HPF1: variants seen among roughly 807,000 people sequenced by gnomAD.
The protein encoded by HPF1 is UPF0609 protein C4orf27.
HPF1 carries 35 observed loss-of-function variants against 38.8 expected under a neutral mutation model. The ratio of observed to expected loss-of-function variants is 0.90; its 90% CI spans 0.69 to 1.19. The LOEUF is 1.19. Ranked by LOEUF, HPF1 falls within the 50% of genes most tolerant of loss-of-function variation. HPF1 has a pLI of 0.00. For synonymous variants in HPF1, 115 were observed against 139.2 expected, an observed-to-expected ratio of 0.83 and a Z score of 1.22; for missense variants, 367 against 405.8, an observed-to-expected ratio of 0.90 and a Z score of 0.82.
chr4:169,742,100 A>G lies in HPF1; in HGVS notation c.505T>C (p.Leu169=), dbSNP rs373544496. 6.6e-5 allele frequency: 106 copies of G among 1,610,336 alleles called. No individual in the cohort carries two copies. The highest frequency in any genetic ancestry group is 8.8e-5 in the Non-Finnish European group (104 of 1,178,472). ...GTTATTTCTCTAAGTTTTTTCGTCA[A>G]AAATAATCTGAAAAAGAAGTAAAAG... ...DNVFAAVKLF[L]TKKLREITDK... The change falls in exon 5 of 8, where the codon TTG becomes CTG. Residue 169 remains leucine (L), a synonymous_variant. Transcript: ENST00000393381.
At chr4:169,733,334 G>A (rs1733853408) in intron 6 of HPF1, among the ~76,000 whole-genome samples, 1 of 152,068 alleles carries the variant, frequency 6.6e-6, no homozygotes, top group South Asian at 2.1e-4. Flanking sequence ...CAAATGAGAT[G>A]GAAGTATGAA....
At chr4:169,735,104 G>C (rs1733875443) in intron 6 of HPF1, among the ~76,000 whole-genome samples, 1 of 148,034 alleles carries the variant, frequency 6.8e-6, no homozygotes, top group Non-Finnish European at 1.5e-5. Context: ...TCCGGCCTGG[G>C]TGACAAGAGC....
At chr4:169,750,303 A>C (rs1168099160) in intron 3 of HPF1, among the ~76,000 whole-genome samples, 3 of 152,208 alleles carry the variant, frequency 2.0e-5, no homozygotes, top group African/African-American at 2.4e-5. Context: ...GCTCTTCTGA[A>C]CCCAAAAGGG....
At chr4:169,743,622 C>T (rs144575551) in intron 4 of HPF1, among the ~76,000 whole-genome samples, 11 of 151,990 alleles carry the variant, frequency 7.2e-5, no homozygotes, top group African/African-American at 2.2e-4. Flanking sequence ...GTTAATGCCA[C>T]TTATGGAAAT....
chr4:169,744,323 T>C (rs539567375), intron 4 of HPF1, among the ~76,000 whole-genome samples: 1 of 152,386 alleles, frequency 6.6e-6, no homozygotes, highest in Admixed American at 6.5e-5. Context: ...TCTGCCACTA[T>C]TGAAGGCACT....
At chr4:169,739,044 C>T (rs1261599663) in intron 5 of HPF1, among the ~76,000 whole-genome samples, 5 of 152,030 alleles carry the variant, frequency 3.3e-5, no homozygotes, top group African/African-American at 9.7e-5. Flanking sequence ...ATGTAAATGA[C>T]GAGTTAATGG....
chr4:169,747,629 T>C (rs536769657), intron 4 of HPF1, among the ~76,000 whole-genome samples: 1 of 152,354 alleles, frequency 6.6e-6, no homozygotes, highest in African/African-American at 2.4e-5. Flanking sequence ...CTGTGGCTGA[T>C]ATAGCACAGA....
chr4:169,744,383 G>A (rs1734018412), intron 4 of HPF1, among the ~76,000 whole-genome samples: 1 of 152,188 alleles, frequency 6.6e-6, no homozygotes, highest in Admixed American at 6.5e-5. Context: ...ATCTCTGTAA[G>A]TTTTTGTCTC....
intron 3 of HPF1, among the ~76,000 whole-genome samples, chr4:169,749,949 G>A (rs1734097361): frequency 6.6e-6 from 1 of 152,046 alleles, no homozygotes; most frequent in Non-Finnish European, 1.5e-5. Context: ...TCCTGGGCAC[G>A]TTCCTTCTAT....
At chr4:169,751,807 G>A (rs1049632955) in intron 2 of HPF1, among the ~76,000 whole-genome samples, 3 of 152,172 alleles carry the variant, frequency 2.0e-5, no homozygotes, top group African/African-American at 7.2e-5. Flanking sequence ...AATTTTTAAA[G>A]CATGAAGAAA....
Position 169,757,925 on chromosome 4 carries a change from G to A in HPF1, c.-48C>T. The A allele has an allele frequency of 1.3e-6, 2 of 1,524,288 alleles. No individual in the cohort carries two copies. The highest frequency in any genetic ancestry group is 1.8e-6 in the Non-Finnish European group (2 of 1,136,180). The allele number at this position is 1,524,288 out of a possible 1,614,324, so 94.4% of individuals were successfully genotyped here. A position where few individuals can be genotyped will look rare whatever the true frequency, so the allele number is the denominator to read the frequency against. ...AATTCCCCGATCCGCGGCCGCTTCC[G>A]AGCGCCGCCAACCGCTTCCGGGTTC... On this transcript the variant is annotated 5_prime_UTR_variant, in exon 1 of 8. Coordinates refer to ENST00000393381, the MANE Select transcript of HPF1 (RefSeq NM_017867.3).
At chr4:169,753,960 G>C in intron 1 of HPF1, 125 bp from the exon 2 acceptor site, 1 of 709,564 alleles carries the variant, frequency 1.4e-6, no homozygotes, top group Non-Finnish European at 2.3e-6. Context: ...CTCTCTAAAT[G>C]GTCTTTGAGT....
chr4:169,731,940 G>C lies in HPF1; in HGVS notation c.737-64C>G, dbSNP rs567310283. The C allele has an allele frequency of 1.2e-4, 165 of 1,346,720 alleles. 1 individual carries two copies. The South Asian group carries it at 2.0e-3, about 16-fold the overall frequency. The allele number at this position is 1,346,720 out of a possible 1,614,324, so 83.4% of individuals were successfully genotyped here. ...TTAGAAAATGAATCAGTCTTCAAAAGTAAGAAGATTATAAAGAGGGTTTTT... is the reference window on the plus strand; with the variant it reads ...TTAGAAAATGAATCAGTCTTCAAAACTAAGAAGATTATAAAGAGGGTTTTT... On this transcript the variant is annotated intron_variant, in intron 6 of 7. Coordinates refer to ENST00000393381, the MANE Select transcript of HPF1 (RefSeq NM_017867.3).
In HPF1 at chr4:169,734,336, C is replaced by T. The variant is rs1037568827; in HGVS notation, c.737-2460G>A. Among the ~76,000 whole-genome samples the T allele has an allele frequency of 1.4e-4, 21 of 152,126 alleles. 1 individual carries two copies. The highest frequency in any genetic ancestry group is 4.1e-4 in the South Asian group (2 of 4,830). On this transcript the variant is annotated intron_variant, in intron 6 of 7. Coordinates refer to ENST00000393381, the MANE Select transcript of HPF1 (RefSeq NM_017867.3). ...TGACTGGGACCCTTAGAATCTCTCT[C>T]GCTGTGCTCCAGTCAGCCACTACAA... is the stretch of plus-strand genomic sequence containing the variant.
chr4:169,754,665 C>A (rs1336925484), intron 1 of HPF1, among the ~76,000 whole-genome samples: 1 of 152,058 alleles, frequency 6.6e-6, no homozygotes, highest in Non-Finnish European at 1.5e-5. Context: ...GGATTAAGTT[C>A]TTTCCTTTTT....
At chr4:169,750,032 G>A (rs1734098079) in intron 3 of HPF1, among the ~76,000 whole-genome samples, 1 of 152,176 alleles carries the variant, frequency 6.6e-6, no homozygotes, top group Non-Finnish European at 1.5e-5. Flanking sequence ...TTTCCTCCTG[G>A]AGTTTCTCTA....
intron 1 of HPF1, among the ~76,000 whole-genome samples, chr4:169,756,286 G>A (rs1457821153): frequency 1.3e-5 from 2 of 152,170 alleles, no homozygotes; most frequent in Non-Finnish European, 2.9e-5. Flanking sequence ...AAGTGGAAGA[G>A]AAGGGATTTA....
intron 4 of HPF1, among the ~76,000 whole-genome samples, chr4:169,748,534 A>C (rs1273227606): frequency 6.6e-6 from 1 of 151,972 alleles, no homozygotes; most frequent in Non-Finnish European, 1.5e-5. Flanking sequence ...CCATGCCTCC[A>C]GCTAATTTTT....
chr4:169,735,586 T>C (rs1203537081), intron 6 of HPF1, among the ~76,000 whole-genome samples: 1 of 152,128 alleles, frequency 6.6e-6, no homozygotes, highest in Non-Finnish European at 1.5e-5. Flanking sequence ...TACCGCAGGG[T>C]AACAGGCTTT....
Sources: gnomAD v4.1 joint callset for allele counts (sites outside exome capture counted in the v4.1 genomes callset) on GRCh38, gnomAD v4.1.1 for gene constraint, MANE v1.5 for transcripts, NCBI Gene and HGNC (gene_info 2026-07-23, HGNC 2026-07-21) for gene names.